Variants in RBX1 observed in about 807,000 individuals in gnomAD.
The protein encoded by RBX1 is E3 ubiquitin-protein ligase RBX1.
For missense variants in RBX1, 46 were observed against 141.4 expected, an observed-to-expected ratio of 0.33 and a Z score of 3.42; for synonymous variants, 48 against 47.9, an observed-to-expected ratio of 1.00 and a Z score of -0.01.
chr22:40,971,223 G>A (rs1047895418), intron 4 of RBX1, among the ~76,000 whole-genome samples: 1 of 152,160 alleles, frequency 6.6e-6, no homozygotes, highest in Non-Finnish European at 1.5e-5. Flanking sequence ...TCTAACTGGT[G>A]ACTTTCCCAG....
At chr22:40,967,647 A>G in intron 3 of RBX1, 152 bp from the exon 4 acceptor site, 2 of 574,322 alleles carry the variant, frequency 3.5e-6, no homozygotes, top group Admixed American at 3.0e-5. Flanking sequence ...TAACCAAGAT[A>G]TAATCAGTTG....
At chr22:40,971,397 A>T (rs990726977) in intron 4 of RBX1, among the ~76,000 whole-genome samples, 8 of 152,178 alleles carry the variant, frequency 5.3e-5, no homozygotes, top group African/African-American at 1.9e-4. Context: ...AGAAGCTGTG[A>T]TCCAGAGTTC....
intron 2 of RBX1, among the ~76,000 whole-genome samples, chr22:40,960,338 C>T (rs2146299607): frequency 6.6e-6 from 1 of 151,978 alleles, no homozygotes; most frequent in African/African-American, 2.4e-5. Flanking sequence ...GAAAATGACT[C>T]AGGGTGGAAG....
At chr22:40,968,573 T>G (rs1463562104) in intron 4 of RBX1, among the ~76,000 whole-genome samples, 1 of 152,188 alleles carries the variant, frequency 6.6e-6, no homozygotes, top group Non-Finnish European at 1.5e-5. Context: ...AATTCTGATA[T>G]AGCATTTATG....
intron 3 of RBX1, 194 bp from the exon 4 acceptor site, chr22:40,967,605 A>T (rs2058357605): frequency 2.0e-6 from 1 of 509,286 alleles, no homozygotes; most frequent in African/African-American, 1.9e-5. Flanking sequence ...TGACATTTCT[A>T]ACAAATGCTT....
Position 40,951,446 on chromosome 22 carries a change from C to G in RBX1, c.48C>G (p.Gly16=), listed in dbSNP as rs756774693. The G allele has an allele frequency of 6.2e-7, 1 of 1,613,526 alleles. No individual in the cohort carries two copies. The highest frequency in any genetic ancestry group is 1.3e-5 in the African/African-American group (1 of 74,950). The change falls in exon 1 of 5, where the codon GGC becomes GGG. Residue 16 remains glycine, a synonymous_variant. Coordinates refer to ENST00000216225, the MANE Select transcript of RBX1 (RefSeq NM_014248.4). Reference sequence around the variant, plus strand: ...ATACCCCGAGCGGCACCAACAGCGGCGCGGGCAAGAAGCGCTTTGAAGTGA... The same window carrying G: ...ATACCCCGAGCGGCACCAACAGCGGGGCGGGCAAGAAGCGCTTTGAAGTGA... ...DVDTPSGTNS[G]AGKKRFEVKK... is the part of the protein sequence containing the mutation.
At chr22:40,954,680 G>T (rs2058320283) in intron 2 of RBX1, among the ~76,000 whole-genome samples, 1 of 151,296 alleles carries the variant, frequency 6.6e-6, no homozygotes, top group African/African-American at 2.4e-5. Context: ...TCACTCACCT[G>T]CCTTTACAAC....
At chr22:40,967,723 C>T (rs111469799) in intron 3 of RBX1, 76 bp from the exon 4 acceptor site, 8 of 1,176,176 alleles carry the variant, frequency 6.8e-6, no homozygotes, top group East Asian at 5.0e-5. Context: ...CATGCCACTA[C>T]CCTGTGGGAC....
At chr22:40,956,153 G>A (rs777015913) in intron 2 of RBX1, among the ~76,000 whole-genome samples, 3 of 151,992 alleles carry the variant, frequency 2.0e-5, no homozygotes, top group Non-Finnish European at 2.9e-5. Context: ...AGACAAAGGC[G>A]ATCTATATTG....
intron 2 of RBX1, among the ~76,000 whole-genome samples, chr22:40,956,867 C>T (rs1011939877): frequency 3.3e-5 from 5 of 151,360 alleles, no homozygotes; most frequent in Non-Finnish European, 7.4e-5. Flanking sequence ...AACCCCGTCT[C>T]CACTAAAAAT....
At chr22:40,961,107 T>C (rs1445297824) in intron 2 of RBX1, among the ~76,000 whole-genome samples, 1 of 130,148 alleles carries the variant, frequency 7.7e-6, no homozygotes, top group Non-Finnish European at 1.6e-5. Context: ...TTTTTTTTGA[T>C]AACAAGGTTT....
chr22:40,972,443 G>A, intron 4 of RBX1, 33 bp from the exon 5 acceptor site: 1 of 1,578,168 alleles, frequency 6.3e-7, no homozygotes, highest in South Asian at 1.1e-5. Flanking sequence ...AATTATCTTG[G>A]AATTAATCAG....
intron 3 of RBX1, among the ~76,000 whole-genome samples, chr22:40,965,501 C>T (rs999876395): frequency 1.3e-5 from 2 of 150,156 alleles, no homozygotes; most frequent in East Asian, 2.0e-4. Flanking sequence ...AGCGCAGTGA[C>T]GCAGTCCCGG....
intron 1 of RBX1, among the ~76,000 whole-genome samples, chr22:40,951,767 A>C (rs556410702): frequency 8.4e-6 from 1 of 118,774 alleles, no homozygotes; most frequent in Non-Finnish European, 1.7e-5. Context: ...TTGAGCTGTC[A>C]CTGGAGTGGT....
intron 1 of RBX1, among the ~76,000 whole-genome samples, chr22:40,952,983 CTTT>C (rs34618218): frequency 4.6e-5 from 4 of 86,898 alleles, no homozygotes; most frequent in Non-Finnish European, 6.7e-5. Context: ...AGTTTGTGCC[CTTT>C]TTTTTTTTTT....
chr22:40,966,154 G>T (rs5995973), intron 3 of RBX1: 1 of 152,198 alleles, frequency 6.6e-6, no homozygotes, highest in Non-Finnish European at 1.5e-5. Flanking sequence ...GCCTGCCAGG[G>T]TTGATGTGAG....
intron 4 of RBX1, 82 bp downstream of exon 4, chr22:40,967,966 G>T: frequency 1.2e-6 from 1 of 848,194 alleles, no homozygotes; most frequent in Non-Finnish European, 2.0e-6. Flanking sequence ...ATGGAGACAT[G>T]ATACATGCCT....
chr22:40,955,019 T>G (rs773868211), intron 2 of RBX1, among the ~76,000 whole-genome samples: 42 of 151,936 alleles, frequency 2.8e-4, no homozygotes, highest in Admixed American at 6.6e-4. Context: ...ACTCCTGACC[T>G]CGGGTGATCC....
At chr22:40,967,982 T>G in intron 4 of RBX1, 98 bp downstream of exon 4, 1 of 772,674 alleles carries the variant, frequency 1.3e-6, no homozygotes, top group Non-Finnish European at 2.2e-6. Context: ...TGCCTTGTTT[T>G]TTTTAAAACT....
Sources: gnomAD v4.1 joint callset for allele counts (sites outside exome capture counted in the v4.1 genomes callset) on GRCh38, gnomAD v4.1.1 for gene constraint, MANE v1.5 for transcripts, NCBI Gene and HGNC (gene_info 2026-07-23, HGNC 2026-07-21) for gene names.